The following FANCL variants were observed in gnomAD, a reference collection of about 807,000 sequenced individuals.
The protein encoded by FANCL is E3 ubiquitin-protein ligase FANCL.
In FANCL, 69 loss-of-function variants were observed where a neutral mutation model predicts 59.4. The ratio of observed to expected loss-of-function variants is 1.16; its 90% CI spans 0.96 to 1.42. The LOEUF is 1.42. Ranked by LOEUF, FANCL falls within the 40% of genes most tolerant of loss-of-function variation. FANCL has a pLI of 0.00. For synonymous variants in FANCL, 180 were observed against 147.1 expected, an observed-to-expected ratio of 1.22 and a Z score of -1.62; for missense variants, 519 against 447.2, an observed-to-expected ratio of 1.16 and a Z score of -1.45.
At chr2:58,202,735 A>T (rs17049406) in intron 6 of FANCL, among the ~76,000 whole-genome samples, 7,947 of 152,008 alleles carry the variant, frequency 0.052, 306 homozygotes, top group African/African-American at 0.098. Context: ...AATTGTCACA[A>T]CCTCACTCTG....
chr2:58,167,084 C>T (rs995610672), intron 7 of FANCL, among the ~76,000 whole-genome samples: 3 of 152,286 alleles, frequency 2.0e-5, no homozygotes, highest in East Asian at 1.9e-4. Flanking sequence ...TAGTGGCACG[C>T]GCCCATAGTC....
intron 5 of FANCL, among the ~76,000 whole-genome samples, chr2:58,219,616 C>T (rs1281182952): frequency 6.6e-6 from 1 of 151,964 alleles, no homozygotes; most frequent in Non-Finnish European, 1.5e-5. Flanking sequence ...ACAGAGATAA[C>T]ATGTACCCTT....
intron 5 of FANCL, among the ~76,000 whole-genome samples, chr2:58,220,898 T>C (rs1462239011): frequency 1.3e-5 from 2 of 152,170 alleles, no homozygotes; most frequent in African/African-American, 2.4e-5. Context: ...AATACTAAAA[T>C]ACTATTGATA....
At chr2:58,185,026 A>C (rs976514835) in intron 7 of FANCL, among the ~76,000 whole-genome samples, 3 of 152,138 alleles carry the variant, frequency 2.0e-5, no homozygotes, top group African/African-American at 7.2e-5. Context: ...GAGAAAAAAG[A>C]GGCACAGGCC....
chr2:58,176,807 A>G lies in FANCL; in HGVS notation c.541-10933T>C, dbSNP rs377127125. Among the ~76,000 whole-genome samples, 38 of 152,022 alleles carry G rather than the reference A, an allele frequency of 2.5e-4. No homozygotes were observed. The South Asian group carries it at 2.5e-3, about 10-fold the overall frequency. ...GATCTAATTAAACTAAAGAGCTTCTACACAGCAAAAGAAACTACCATCAGA... is the reference window on the plus strand; with the variant it reads ...GATCTAATTAAACTAAAGAGCTTCTGCACAGCAAAAGAAACTACCATCAGA... On this transcript the variant is annotated intron_variant, in intron 7 of 13. Coordinates refer to ENST00000233741, the MANE Select transcript of FANCL (RefSeq NM_018062.4).
At chr2:58,237,638 C>G (rs999909526) in intron 1 of FANCL, among the ~76,000 whole-genome samples, 2 of 151,734 alleles carry the variant, frequency 1.3e-5, no homozygotes, top group Non-Finnish European at 2.9e-5. Context: ...TTGAAGAAAT[C>G]AGTAAAATTT....
At chr2:58,170,047 T>C (rs1390098538) in intron 7 of FANCL, among the ~76,000 whole-genome samples, 2 of 152,068 alleles carry the variant, frequency 1.3e-5, no homozygotes, top group Non-Finnish European at 2.9e-5. Context: ...ACCACAAAGA[T>C]ACTCCTCCAG....
chr2:58,187,080 A>G (rs1307929449), intron 7 of FANCL, among the ~76,000 whole-genome samples: 1 of 152,172 alleles, frequency 6.6e-6, no homozygotes, highest in Non-Finnish European at 1.5e-5. Context: ...TACCCAAAGG[A>G]TTATAAACCA....
chr2:58,224,869 T>C (rs765773076), intron 4 of FANCL, among the ~76,000 whole-genome samples: 18 of 152,042 alleles, frequency 1.2e-4, no homozygotes, highest in Non-Finnish European at 2.5e-4. Flanking sequence ...CAATACAAAC[T>C]CATAATTATA....
chr2:58,201,382 AG>A (rs544880009), intron 6 of FANCL, among the ~76,000 whole-genome samples: 119 of 151,982 alleles, frequency 7.8e-4, no homozygotes, highest in African/African-American at 2.2e-3. Context: ...CTAAAAAAAA[AG>A]ATTACATAAT....
chr2:58,200,509 A>C (rs1036403846), intron 6 of FANCL, among the ~76,000 whole-genome samples: 2 of 152,102 alleles, frequency 1.3e-5, no homozygotes, highest in Non-Finnish European at 2.9e-5. Flanking sequence ...TATCTTAGTG[A>C]TGCTGACAAT....
intron 5 of FANCL, chr2:58,213,554 T>A (rs191775068): frequency 1.3e-5 from 2 of 152,240 alleles, no homozygotes; most frequent in African/African-American, 4.8e-5. Context: ...AATGATTAAG[T>A]AACAGCAGCT....
At chr2:58,174,378 A>G (rs1247906728) in intron 7 of FANCL, among the ~76,000 whole-genome samples, 1 of 152,202 alleles carries the variant, frequency 6.6e-6, no homozygotes, top group African/African-American at 2.4e-5. Flanking sequence ...AATCGACCAC[A>G]TAGTTGGAAA....
chr2:58,221,843 CTT>C, intron 5 of FANCL, 97 bp downstream of exon 5: 1 of 809,824 alleles, frequency 1.2e-6, no homozygotes, highest in Non-Finnish European at 2.1e-6. Flanking sequence ...CAATTAAACA[CTT>C]TGACTAAAAT....
Position 58,222,025 on chromosome 2 carries a change from A to C in FANCL, c.291T>G (p.Asn97Lys), listed in dbSNP as rs1246033958. Reference sequence around the variant, plus strand: ...GAGGTAGTGCATACAGCTCTTGTCTATTCTTTAAGGCAACTTCCTGTTTAA... The same window carrying C: ...GAGGTAGTGCATACAGCTCTTGTCTCTTCTTTAAGGCAACTTCCTGTTTAA... ...LKMLLEVALK[N>K]RQELYALPPP... is the part of the protein sequence containing the mutation. Residue 97 changes from asparagine (N) to lysine (K), a missense_variant, in exon 5 of 14, where the codon AAT becomes AAG. Transcript: ENST00000233741. 6.2e-7 allele frequency: 1 copy of C among 1,613,150 alleles called. No homozygotes were observed. Among genetic ancestry groups the C allele is most frequent in the Non-Finnish European group, 8.5e-7 (1 of 1,179,290 alleles).
At chr2:58,229,981 T>A in intron 2 of FANCL, 107 bp from the exon 3 acceptor site, 1 of 794,888 alleles carries the variant, frequency 1.3e-6, no homozygotes, top group South Asian at 1.5e-5. Flanking sequence ...ACAAACATAA[T>A]TTGGACAAGT....
intron 7 of FANCL, among the ~76,000 whole-genome samples, chr2:58,179,115 C>G (rs569084618): frequency 6.6e-6 from 1 of 152,298 alleles, no homozygotes; most frequent in Admixed American, 6.5e-5. Flanking sequence ...ATTCCATATT[C>G]ATGGATAGGA....
In FANCL at chr2:58,163,523, A is replaced by G. The variant is rs1685523497; in HGVS notation, c.692-6T>C. On this transcript the variant is annotated splice_region_variant and splice_polypyrimidine_tract_variant and intron_variant, in intron 8 of 13. Coordinates refer to ENST00000233741, the MANE Select transcript of FANCL (RefSeq NM_018062.4). ...ATTTATGGAAACATTATTACCTAGA[A>G]TGAAACAAGATTAAATCTTTTAGAA... 1 of 1,533,216 alleles carries G rather than the reference A, an allele frequency of 6.5e-7. No individual in the cohort carries two copies. The highest frequency in any genetic ancestry group is 2.3e-5 in the East Asian group (1 of 44,370). 95.0% of individuals were successfully genotyped at this position (1,533,216 alleles called of 1,614,324 possible).
chr2:58,222,019 T>C lies in FANCL; in HGVS notation c.297A>G (p.Gln99=). 8 of 1,613,336 alleles carry C rather than the reference T, an allele frequency of 5.0e-6. No individual in the cohort carries two copies. Among genetic ancestry groups the C allele is most frequent in the Non-Finnish European group, 6.8e-6 (8 of 1,179,442 alleles). ...GAGGAGGAGGTAGTGCATACAGCTC[T>C]TGTCTATTCTTTAAGGCAACTTCCT... is the stretch of plus-strand genomic sequence containing the variant. ...MLLEVALKNR[Q]ELYALPPPPQ... is the part of the protein sequence containing the mutation. The change falls in exon 5 of 14, where the codon CAA becomes CAG. Residue 99 remains glutamine, a synonymous_variant. Transcript: ENST00000233741.
Sources: allele counts gnomAD v4.1 joint callset (sites outside exome capture counted in the v4.1 genomes callset), GRCh38; gene constraint gnomAD v4.1.1; transcripts MANE v1.5; gene names NCBI Gene and HGNC (gene_info 2026-07-23, HGNC 2026-07-21).